The following CASS4 variants were observed in gnomAD, a reference collection of about 807,000 sequenced individuals.
CASS4 encodes the protein Cas scaffold protein family member 4.
In CASS4, 22 loss-of-function variants were observed where a neutral mutation model predicts 54.2. That is an observed-to-expected ratio of 0.41 (90% CI 0.29 to 0.58). The LOEUF is 0.58. Among genes scored for constraint, CASS4 ranks in the 20% least tolerant of loss-of-function variants. CASS4 has a pLI of 0.36. For synonymous variants in CASS4, 409 were observed against 391.5 expected, an observed-to-expected ratio of 1.04 and a Z score of -0.53; for missense variants, 854 against 986.7, an observed-to-expected ratio of 0.87 and a Z score of 1.80.
intron 1 of CASS4, among the ~76,000 whole-genome samples, chr20:56,420,304 C>T (rs1425118043): frequency 7.2e-5 from 11 of 152,140 alleles, no homozygotes; most frequent in Non-Finnish European, 1.3e-4. Flanking sequence ...GGCAAAAGAG[C>T]AGTAGGGTCA....
intron 2 of CASS4, among the ~76,000 whole-genome samples, chr20:56,445,407 G>C (rs886429948): frequency 6.6e-6 from 1 of 152,122 alleles, no homozygotes; most frequent in African/African-American, 2.4e-5. Context: ...CCCAGACCTT[G>C]TTGGTCCCTC....
chr20:56,453,303 A>G, intron 5 of CASS4, 174 bp downstream of exon 5: 1 of 592,048 alleles, frequency 1.7e-6, no homozygotes, highest in East Asian at 2.9e-5. Context: ...CTTATTAACA[A>G]GTCAGATAAA....
chr20:56,421,165 A>C (rs181413708), intron 1 of CASS4, among the ~76,000 whole-genome samples: 72 of 152,342 alleles, frequency 4.7e-4, no homozygotes, highest in Admixed American at 1.2e-3. Flanking sequence ...CCCTGACTGC[A>C]GGCATGCCAG....
rs1252341216 is a variant in CASS4, at chr20:56,445,993, G to A, written c.553G>A (p.Val185Ile). The change falls in exon 3 of 6, where the codon GTC becomes ATC. Residue 185 changes from valine to isoleucine, a missense_variant. By Grantham distance (29) the Val-to-Ile change is conservative. Transcript: ENST00000679887. ...DVPTQHRGPV[V>I]LKEPEKQQLY... ...GCCTACCCAGCACCGGGGCCCCGTG[G>A]TCCTGAAGGTGAGCCTTGTTCAGGG... 1.2e-6 allele frequency: 2 copies of A among 1,612,620 alleles called. No individual in the cohort carries two copies. The highest frequency in any genetic ancestry group is 1.1e-5 in the South Asian group (1 of 91,052).
chr20:56,444,218 G>A lies in CASS4; in HGVS notation c.460-1682G>A, dbSNP rs149504647. Among the ~76,000 whole-genome samples, 209 of 152,184 alleles carry A rather than the reference G, an allele frequency of 1.4e-3. 6 individuals carry two copies. In the East Asian group the frequency reaches 0.038, roughly 28 times the overall value. On this transcript the variant is annotated intron_variant, in intron 2 of 5. Coordinates refer to ENST00000679887, the MANE Select transcript of CASS4 (RefSeq NM_020356.4). ...ATGTACATTCCCAGTGCTGCATCCC[G>A]GGGACACCATGATGAATAGAGGGAC...
At chr20:56,415,380 C>T (rs931886235) in intron 1 of CASS4, among the ~76,000 whole-genome samples, 2 of 152,084 alleles carry the variant, frequency 1.3e-5, no homozygotes, top group Non-Finnish European at 2.9e-5. Flanking sequence ...GTTGTCGACA[C>T]CTAGTTCAGA....
At chr20:56,434,373 C>T (rs896840000) in intron 1 of CASS4, among the ~76,000 whole-genome samples, 2 of 152,066 alleles carry the variant, frequency 1.3e-5, no homozygotes, top group African/African-American at 4.8e-5. Flanking sequence ...AATGGAAAAC[C>T]AAGCCACTGT....
At chr20:56,435,893 G>C (rs1460589966) in intron 1 of CASS4, among the ~76,000 whole-genome samples, 2 of 152,120 alleles carry the variant, frequency 1.3e-5, no homozygotes, top group Non-Finnish European at 2.9e-5. Context: ...TGGGACTACA[G>C]GCATGCGCTA....
chr20:56,455,295 A>G (rs1315595562), intron 5 of CASS4, among the ~76,000 whole-genome samples: 1 of 152,236 alleles, frequency 6.6e-6, no homozygotes, highest in African/African-American at 2.4e-5. Flanking sequence ...GAATGAAGCC[A>G]GTAGAAGTTA....
Position 56,458,508 on chromosome 20 carries a change from C to A in CASS4, c.2122C>A (p.Leu708Met). ...QPAEIITQSK[L>M]VIMVGQKLVD... ...CGCGGAGATCATCACTCAGAGCAAG[C>A]TGGTCATCATGGTGGGACAGAAGCT... Residue 708 changes from leucine to methionine, a missense_variant, in exon 6 of 6, where the codon CTG (leucine) becomes ATG (methionine). Physicochemically the swap from Leu to Met is conservative, Grantham distance 15 (BLOSUM62 2). Transcript: ENST00000679887. 1 of 1,614,210 alleles carries A rather than the reference C, an allele frequency of 6.2e-7. No homozygotes were observed. The highest frequency in any genetic ancestry group is 8.5e-7 in the Non-Finnish European group (1 of 1,180,042).
Position 56,452,733 on chromosome 20 carries a change from G to A in CASS4, c.1557G>A (p.Gln519=). ...DSNLQNRIRD[Q]MQTISNSYRI... ...ACCTTCAGAACAGAATTCGGGACCA[G>A]ATGCAGACCATCTCCAACTCCTACC... Residue 519 remains glutamine (Q), a synonymous_variant, in exon 5 of 6, where the codon CAG becomes CAA. Coordinates refer to ENST00000679887, the MANE Select transcript of CASS4 (RefSeq NM_020356.4). 6.2e-7 allele frequency: 1 copy of A among 1,614,114 alleles called. No homozygotes were observed. Among genetic ancestry groups the A allele is most frequent in the African/African-American group, 1.3e-5 (1 of 75,034 alleles).
At chr20:56,457,617 T>C (rs1043389176) in intron 5 of CASS4, among the ~76,000 whole-genome samples, 4 of 152,214 alleles carry the variant, frequency 2.6e-5, no homozygotes, top group Admixed American at 6.5e-5. Flanking sequence ...AGTTCTGATA[T>C]ATCTCTGATA....
chr20:56,458,711 G>T lies in CASS4; in HGVS notation c.2325G>T (p.Glu775Asp), dbSNP rs758872171. 6.2e-7 allele frequency: 1 copy of T among 1,611,186 alleles called. No individual in the cohort carries two copies. Among genetic ancestry groups the T allele is most frequent in the South Asian group, 1.1e-5 (1 of 90,818 alleles). ...GHLQAEAEKL[E>D]QHTRQFRGTL... is the part of the protein sequence containing the mutation. ...TCCAGGCGGAGGCTGAGAAGCTGGA[G>T]CAACACACGCGGCAGTTCAGAGGGA... The change falls in exon 6 of 6, where the codon GAG becomes GAT. Residue 775 changes from glutamate (E) to aspartate (D), a missense_variant. By Grantham distance (45) the Glu-to-Asp change is conservative. Coordinates refer to ENST00000679887, the MANE Select transcript of CASS4 (RefSeq NM_020356.4).
At chr20:56,424,727 C>T (rs1420845971) in intron 1 of CASS4, among the ~76,000 whole-genome samples, 3 of 119,668 alleles carry the variant, frequency 2.5e-5, no homozygotes, top group Non-Finnish European at 4.7e-5. Context: ...GATGACAGAG[C>T]GAGACTCTGT....
At chr20:56,457,450 T>C (rs556439272) in intron 5 of CASS4, among the ~76,000 whole-genome samples, 65 of 152,316 alleles carry the variant, frequency 4.3e-4, no homozygotes, top group African/African-American at 1.4e-3. Flanking sequence ...TGGGAGAAGT[T>C]GGTTCCATTT....
intron 1 of CASS4, among the ~76,000 whole-genome samples, chr20:56,422,891 C>T (rs536205262): frequency 7.2e-5 from 11 of 152,340 alleles, no homozygotes; most frequent in East Asian, 5.8e-4. Context: ...CAAGTTCACC[C>T]GGTTCATTCA....
At chr20:56,441,037 G>GGAGT (rs1022703455) in intron 2 of CASS4, among the ~76,000 whole-genome samples, 1 of 147,008 alleles carries the variant, frequency 6.8e-6, no homozygotes, top group Non-Finnish European at 1.5e-5. Flanking sequence ...CACCCAGGCT[G>GGAGT]GAGTGCAGTG....
Position 56,437,379 on chromosome 20 carries a change from G to A in CASS4, c.252G>A (p.Leu84=), listed in dbSNP as rs1459824740. The part of the protein sequence containing the change: ...VAADRPCPPF[L]RGLEEAPASS... ...CAGACAGGCCGTGCCCCCCATTCCT[G>A]AGAGGCCTGGAAGAAGCTCCTGCCA... The change falls in exon 2 of 6, where the codon CTG becomes CTA. Residue 84 remains leucine, a synonymous_variant. Coordinates refer to ENST00000679887, the MANE Select transcript of CASS4 (RefSeq NM_020356.4). This position sits in a 1 kb window ranked among gnomAD's most constrained non-coding sequence, Gnocchi z 4.7. The A allele has an allele frequency of 6.2e-7, 1 of 1,614,116 alleles. No individual in the cohort carries two copies. Among genetic ancestry groups the A allele is most frequent in the African/African-American group, 1.3e-5 (1 of 75,056 alleles).
Position 56,412,279 on chromosome 20 carries a change from T to G in CASS4, c.-180T>G. On this transcript the variant is annotated 5_prime_UTR_variant, in exon 1 of 6. Transcript: ENST00000679887. The surrounding 1 kb of genome is among the most constrained non-coding windows in gnomAD (Gnocchi z 4.2). ...TGCTTTCATTTTACTCTTATCGTGC[T>G]TTCCAGAAAGTTTGCCTGCTGGGAG... 6 of 670,642 alleles carry G rather than the reference T, an allele frequency of 8.9e-6. No homozygotes were observed. In the South Asian group the frequency reaches 1.0e-4, roughly 12 times the overall value. The allele number at this position is 670,642 out of a possible 1,614,324, so 41.5% of individuals were successfully genotyped here.
Sources: gnomAD v4.1 joint callset for allele counts (sites outside exome capture counted in the v4.1 genomes callset) on GRCh38, gnomAD v4.1.1 for gene constraint, Gnocchi (gnomAD v3.1) non-coding constraint, MANE v1.5 for transcripts, NCBI Gene and HGNC (gene_info 2026-07-23, HGNC 2026-07-21) for gene names.